The following KHDRBS2 variants were observed in gnomAD, a reference collection of about 807,000 sequenced individuals.
KHDRBS2 encodes the protein KH domain-containing, RNA-binding, signal transduction-associated protein 2.
In KHDRBS2, 26 loss-of-function variants were observed where a neutral mutation model predicts 44.3. The observed-to-expected ratio is 0.59, with a 90% confidence interval of 0.43 to 0.81. The LOEUF (loss-of-function observed/expected upper bound fraction) is 0.81. Among genes scored for constraint, KHDRBS2 ranks in the 40% least tolerant of loss-of-function variants. The pLI is 0.00. For synonymous variants in KHDRBS2, 194 were observed against 151.1 expected (o/e 1.28, Z -2.08); for missense variants, 476 against 433.1 (o/e 1.10, Z -0.88).
the KHDRBS2 span, among the ~76,000 whole-genome samples, chr6:61,607,094 A>AT: frequency 8.6e-5 from 13 of 151,656 alleles, no homozygotes; most frequent in Non-Finnish European, 1.5e-4. Flanking sequence ...CGCATGATTA[A>AT]TTTTTTTTGG....
At chr6:61,905,934 C>A (rs1380851962) in intron 4 of KHDRBS2, among the ~76,000 whole-genome samples, 2 of 143,536 alleles carry the variant, frequency 1.4e-5, no homozygotes, top group African/African-American at 5.2e-5. Context: ...CGGCTCACTG[C>A]AACCTCTGCG....
chr6:61,554,993 T>G, the KHDRBS2 span, among the ~76,000 whole-genome samples: 90 of 152,162 alleles, frequency 5.9e-4, no homozygotes, highest in African/African-American at 2.0e-3. Flanking sequence ...GTCCTGGAGG[T>G]GGTCTTCTTG....
At chr6:61,717,580 G>A (rs1030630445) in intron 7 of KHDRBS2, among the ~76,000 whole-genome samples, 3 of 152,024 alleles carry the variant, frequency 2.0e-5, no homozygotes, top group African/African-American at 4.8e-5. Flanking sequence ...ATTACAAAAC[G>A]AGGGCGAGTG....
intron 2 of KHDRBS2, among the ~76,000 whole-genome samples, chr6:62,107,103 C>G (rs1237999083): frequency 6.6e-6 from 1 of 151,428 alleles, no homozygotes; most frequent in South Asian, 2.1e-4. Flanking sequence ...GGCAATTAGG[C>G]AGGAGAAGGA....
At chr6:62,264,218 A>G (rs1418235076) in intron 1 of KHDRBS2, among the ~76,000 whole-genome samples, 1 of 151,826 alleles carries the variant, frequency 6.6e-6, no homozygotes, top group African/African-American at 2.4e-5. Flanking sequence ...TTGAAAAAAT[A>G]CTAACTGATC....
At chr6:61,769,626 T>TGG (rs150372922) in intron 6 of KHDRBS2, among the ~76,000 whole-genome samples, 3,172 of 151,784 alleles carry the variant, frequency 0.021, 59 homozygotes, top group Non-Finnish European at 0.035. Context: ...GCAGCGAGGC[T>TGG]GGGGGGGCGG....
At chr6:61,940,620 C>T (rs1446088675) in intron 4 of KHDRBS2, among the ~76,000 whole-genome samples, 2 of 152,138 alleles carry the variant, frequency 1.3e-5, no homozygotes, top group Admixed American at 6.5e-5. Flanking sequence ...TCTAAAGAAG[C>T]TCAATCAGCT....
At chr6:62,012,191 C>A (rs975509969) in intron 3 of KHDRBS2, among the ~76,000 whole-genome samples, 2 of 152,150 alleles carry the variant, frequency 1.3e-5, no homozygotes, top group African/African-American at 4.8e-5. Flanking sequence ...CCTCCAGAGT[C>A]CAAGAGTAAT....
At chr6:62,179,879 C>T (rs534177787) in intron 1 of KHDRBS2, among the ~76,000 whole-genome samples, 1 of 151,834 alleles carries the variant, frequency 6.6e-6, no homozygotes, top group East Asian at 1.9e-4. Flanking sequence ...ATTTTGCCCT[C>T]CTAATACTTT....
At chr6:61,945,100 A>ATATATAT (rs1166856860) in intron 4 of KHDRBS2, among the ~76,000 whole-genome samples, 1 of 52,474 alleles carries the variant, frequency 1.9e-5, no homozygotes, top group Non-Finnish European at 3.8e-5. Flanking sequence ...TAAAAAAAAA[A>ATATATAT]AAAAAAAAAA....
At chr6:62,236,979 A>G (rs1186471671) in intron 1 of KHDRBS2, among the ~76,000 whole-genome samples, 1 of 152,164 alleles carries the variant, frequency 6.6e-6, no homozygotes. Context: ...ATGACTCAGG[A>G]TCTATTTTTG....
At chr6:61,941,309 C>A (rs1282065116) in intron 4 of KHDRBS2, among the ~76,000 whole-genome samples, 1 of 152,178 alleles carries the variant, frequency 6.6e-6, no homozygotes, top group African/African-American at 2.4e-5. Flanking sequence ...CAGCACACAG[C>A]ACTCAGAATT....
chr6:62,101,399 G>A (rs1741530179), intron 2 of KHDRBS2, among the ~76,000 whole-genome samples: 1 of 152,114 alleles, frequency 6.6e-6, no homozygotes, highest in African/African-American at 2.4e-5. Flanking sequence ...GGGTAAAATG[G>A]AGACCTCCAC....
At chr6:62,095,053 G>A (rs1052033989) in intron 2 of KHDRBS2, among the ~76,000 whole-genome samples, 1 of 151,630 alleles carries the variant, frequency 6.6e-6, no homozygotes, top group African/African-American at 2.4e-5. Context: ...GGTCTTTTTT[G>A]GTCCATACGA....
At chr6:61,730,465 G>A (rs1774272199) in intron 7 of KHDRBS2, among the ~76,000 whole-genome samples, 1 of 152,082 alleles carries the variant, frequency 6.6e-6, no homozygotes. Flanking sequence ...TGAGAGAGAT[G>A]AGGCTGTATT....
intron 3 of KHDRBS2, among the ~76,000 whole-genome samples, chr6:61,979,309 T>A (rs1217381475): frequency 6.6e-6 from 1 of 152,128 alleles, no homozygotes; most frequent in Admixed American, 6.5e-5. Flanking sequence ...GTTTTATCTT[T>A]CTTGTCCCTC....
chr6:61,586,747 G>T, the KHDRBS2 span, among the ~76,000 whole-genome samples: 1 of 152,096 alleles, frequency 6.6e-6, no homozygotes, highest in South Asian at 2.1e-4. Context: ...AAAGAATAAA[G>T]CCAGCCCAGA....
intron 2 of KHDRBS2, among the ~76,000 whole-genome samples, chr6:62,055,886 G>T (rs909249826): frequency 1.1e-4 from 16 of 151,996 alleles, no homozygotes; most frequent in African/African-American, 3.9e-4. Flanking sequence ...TGCTCACTCC[G>T]TGGATGTGGC....
intron 2 of KHDRBS2, among the ~76,000 whole-genome samples, chr6:62,175,454 C>A (rs1279511058): frequency 6.6e-6 from 1 of 151,368 alleles, no homozygotes. Flanking sequence ...AATGGTTCAC[C>A]GAAAATGAAG....
Sources: allele counts gnomAD v4.1 joint callset (sites outside exome capture counted in the v4.1 genomes callset), GRCh38; gene constraint gnomAD v4.1.1; transcripts MANE v1.5; gene names NCBI Gene and HGNC (gene_info 2026-07-23, HGNC 2026-07-21).